ZNF682: variants seen among roughly 807,000 people sequenced by gnomAD.
ZNF682 encodes zinc finger protein 682.
In ZNF682, 29 loss-of-function variants were observed where a neutral mutation model predicts 36.5. The observed-to-expected ratio is 0.80, with a 90% CI of 0.59 to 1.08. The LOEUF is 1.08. ZNF682 is among the 50% of genes least tolerant of loss of function. The pLI is 0.00. For synonymous variants in ZNF682, 180 were observed against 197.0 expected, an observed-to-expected ratio of 0.91 and a Z score of 0.72; for missense variants, 561 against 579.7, an observed-to-expected ratio of 0.97 and a Z score of 0.33.
intron 3 of ZNF682, among the ~76,000 whole-genome samples, chr19:20,021,980 G>A (rs894851525): frequency 2.0e-5 from 3 of 151,440 alleles, no homozygotes; most frequent in East Asian, 2.0e-4. Flanking sequence ...AAATCAACCT[G>A]GCCAACATGG....
At position 20,005,634 on chromosome 19, in the gene ZNF682, C is replaced by T. The variant is rs1428212125; in HGVS notation, c.*371G>A. 1 of 186,668 alleles carries T rather than the reference C, an allele frequency of 5.4e-6. No homozygotes were observed. Among genetic ancestry groups the T allele is most frequent in the African/African-American group, 2.4e-5 (1 of 42,366 alleles). 11.6% of individuals were successfully genotyped at this position (186,668 alleles called of 1,614,324 possible). ...TATATTTTTGAAGTCTTTCCATGTACAAATGTAATGTATCACTATCATTAC... is the reference window on the plus strand; with the variant it reads ...TATATTTTTGAAGTCTTTCCATGTATAAATGTAATGTATCACTATCATTAC... On this transcript the variant is annotated 3_prime_UTR_variant, in exon 4 of 4. Transcript: ENST00000397165.
At position 20,005,324 on chromosome 19, in the gene ZNF682, A is replaced by G. The variant is rs2088203707; in HGVS notation, c.*681T>C. The G allele has an allele frequency of 6.6e-6, 1 of 152,072 alleles. No homozygotes were observed. Among genetic ancestry groups the G allele is most frequent in the Admixed American group, 6.6e-5 (1 of 15,266 alleles). The allele number at this position is 152,072 out of a possible 1,614,324, so 9.4% of individuals were successfully genotyped here. A position where few individuals can be genotyped will look rare whatever the true frequency, so the allele number is the denominator to read the frequency against. Reference sequence around the variant, plus strand: ...GTGATCCGCCTGCCTCGGCCTCCCAAAGTGCTGGGATTATAAGTGTGAGCC... The same window carrying G: ...GTGATCCGCCTGCCTCGGCCTCCCAGAGTGCTGGGATTATAAGTGTGAGCC... On this transcript the variant is annotated 3_prime_UTR_variant, in exon 4 of 4. Transcript: ENST00000397165.
At chr19:20,007,554 C>T (rs890177319) in intron 3 of ZNF682, 7 of 348,778 alleles carry the variant, frequency 2.0e-5, no homozygotes, top group Non-Finnish European at 3.6e-5. Flanking sequence ...AGGACTGGCT[C>T]GTAGATCCAG....
At chr19:20,031,088 C>A (rs1364098173) in intron 1 of ZNF682, 2 of 152,210 alleles carry the variant, frequency 1.3e-5, no homozygotes, top group Admixed American at 1.3e-4. Context: ...TCATGGCAAT[C>A]CAAACAGGAA....
At chr19:20,012,873 C>T (rs1268502837) in intron 3 of ZNF682, among the ~76,000 whole-genome samples, 1 of 150,856 alleles carries the variant, frequency 6.6e-6, no homozygotes, top group Admixed American at 6.6e-5. Flanking sequence ...ATAAAAGCAG[C>T]CAAGAAACAT....
At chr19:20,031,589 T>G (rs542264344) in intron 1 of ZNF682, among the ~76,000 whole-genome samples, 1 of 152,236 alleles carries the variant, frequency 6.6e-6, no homozygotes, top group South Asian at 2.1e-4. Context: ...TTGGGTGTTA[T>G]AGCATGCTGC....
At chr19:20,039,258 G>T in intron 1 of ZNF682, 85 bp downstream of exon 1, 1 of 1,586,754 alleles carries the variant, frequency 6.3e-7, no homozygotes, top group Non-Finnish European at 8.6e-7. Context: ...TGACAGCTGG[G>T]AGGCCCCAGT....
chr19:19,997,366 C>T (rs764178895), intron 3 of ZNF682: 21 of 397,662 alleles, frequency 5.3e-5, no homozygotes, highest in Non-Finnish European at 8.4e-5. Flanking sequence ...AAGTGGGTGA[C>T]CTCAATGGTT....
In ZNF682 at chr19:20,005,923, T is replaced by G; in HGVS notation, c.*82A>C. 1 of 1,318,642 alleles carries G rather than the reference T, an allele frequency of 7.6e-7. No individual in the cohort carries two copies. The highest frequency in any genetic ancestry group is 2.3e-5 in the Admixed American group (1 of 44,156). The allele number at this position is 1,318,642 out of a possible 1,614,324, so 81.7% of individuals were successfully genotyped here. ...GTGTTTCTCTCCAGTATGAATTATCTTGTGATTTCAATGCCTTGAGCAAGA... is the reference window on the plus strand; with the variant it reads ...GTGTTTCTCTCCAGTATGAATTATCGTGTGATTTCAATGCCTTGAGCAAGA... On this transcript the variant is annotated 3_prime_UTR_variant, in exon 4 of 4. Transcript: ENST00000397165.
chr19:20,039,025 G>T, intron 1 of ZNF682: 1 of 720,224 alleles, frequency 1.4e-6, no homozygotes, highest in Non-Finnish European at 2.0e-6. Context: ...CCACACACGG[G>T]GTCTGGACTC....
At position 20,006,138 on chromosome 19, in the gene ZNF682, C is replaced by A; in HGVS notation, c.1364G>T (p.Cys455Phe). ...TTTAAAAGCTTTGCCACATTCTTCA[C>A]ATTTATAGCGTTTGACGGCAGTATG... ...KIHTAVKRYK[C>F]EECGKAFKRC... is the part of the protein sequence containing the mutation. The change falls in exon 4 of 4, where the codon TGT (cysteine) becomes TTT (phenylalanine). Residue 455 changes from cysteine to phenylalanine, a missense_variant. Cys to Phe is a radical substitution (Grantham distance 205, BLOSUM62 -2). Transcript: ENST00000397165. The A allele has an allele frequency of 6.2e-7, 1 of 1,613,184 alleles. No homozygotes were observed. The highest frequency in any genetic ancestry group is 1.7e-5 in the Admixed American group (1 of 60,024).
downstream of ZNF682, among the ~76,000 whole-genome samples, chr19:20,003,190 CAAAAAAAAAAAAAAAAA>C (rs755953644): frequency 1.1e-3 from 37 of 33,078 alleles, no homozygotes; most frequent in Non-Finnish European, 1.4e-3. Context: ...GACTCCGTCT[CAAAAAAAAAAAAAAAAA>C]AAAAAAAAAA....
intron 3 of ZNF682, among the ~76,000 whole-genome samples, chr19:20,017,389 T>C (rs2088343679): frequency 6.6e-6 from 1 of 152,100 alleles, no homozygotes; most frequent in East Asian, 1.9e-4. Context: ...ATGCAAACAG[T>C]AAGCTCAAGT....
intron 1 of ZNF682, among the ~76,000 whole-genome samples, chr19:20,036,162 T>A (rs933032544): frequency 6.6e-5 from 10 of 152,218 alleles, no homozygotes; most frequent in Admixed American, 2.6e-4. Flanking sequence ...GGTCTTGCTA[T>A]CGCAGCATAA....
intron 1 of ZNF682, 74 bp downstream of exon 1, chr19:20,039,269 C>A: frequency 6.3e-7 from 1 of 1,596,844 alleles, no homozygotes; most frequent in Non-Finnish European, 8.5e-7. Flanking sequence ...AGGCCCCAGT[C>A]CCGTCACTGC....
chr19:20,012,162 C>T (rs992125489), intron 3 of ZNF682, among the ~76,000 whole-genome samples: 4 of 151,878 alleles, frequency 2.6e-5, no homozygotes, highest in African/African-American at 9.7e-5. Context: ...CAACCTGATA[C>T]CATGCATAAA....
In ZNF682 at chr19:19,997,302, C is replaced by A. The variant is rs1599597249; in HGVS notation, c.227-39G>T. 10 of 398,510 alleles carry A rather than the reference C, an allele frequency of 2.5e-5. No individual in the cohort carries two copies. The East Asian group carries it at 3.6e-4, about 14-fold the overall frequency. The allele number at this position is 398,510 out of a possible 1,614,324, so 24.7% of individuals were successfully genotyped here. On this transcript the variant is annotated intron_variant, in intron 3 of 3. Coordinates refer to the ZNF682 transcript ENST00000596019. ...GAGCTATGTCCCCATCTCAGCCTAG[C>A]ATAGACAATGGCTACAGCAAAGCCT...
At chr19:20,023,593 C>T (rs2088406365) in intron 2 of ZNF682, among the ~76,000 whole-genome samples, 1 of 151,898 alleles carries the variant, frequency 6.6e-6, no homozygotes, top group Admixed American at 6.6e-5. Context: ...CTTCCCTACC[C>T]AATACTACTT....
downstream of ZNF682, among the ~76,000 whole-genome samples, chr19:20,003,571 G>A (rs574849907): frequency 1.3e-5 from 2 of 152,028 alleles, no homozygotes; most frequent in East Asian, 3.9e-4. Context: ...TGGGCGTGGT[G>A]GTGGGCACCT....
Sources: gnomAD v4.1 joint callset for allele counts (sites outside exome capture counted in the v4.1 genomes callset) on GRCh38, gnomAD v4.1.1 for gene constraint, MANE v1.5 for transcripts, NCBI Gene and HGNC (gene_info 2026-07-23, HGNC 2026-07-21) for gene names.